The following ZWILCH variants were observed in gnomAD, a reference collection of about 807,000 sequenced individuals.
The protein encoded by ZWILCH is zwilch kinetochore protein.
ZWILCH carries 74 observed loss-of-function variants against 79.9 expected under a neutral mutation model. The observed-to-expected ratio is 0.93, with a 90% CI of 0.77 to 1.12. The LOEUF (loss-of-function observed/expected upper bound fraction) is 1.12, where lower values mean the gene tolerates loss of function less well. Among genes scored for constraint, ZWILCH ranks in the 50% most tolerant of loss-of-function variants. The probability of loss-of-function intolerance (pLI) is 0.00; values close to 1 mark genes in which losing one functional copy is unlikely to be tolerated. For synonymous variants in ZWILCH, 241 were observed against 228.2 expected, an observed-to-expected ratio of 1.06 and a Z score of -0.51; for missense variants, 694 against 687.5, an observed-to-expected ratio of 1.01 and a Z score of -0.11.
chr15:66,537,731 A>C (rs1895060791), intron 16 of ZWILCH, among the ~76,000 whole-genome samples: 1 of 151,992 alleles, frequency 6.6e-6, no homozygotes, highest in African/African-American at 2.4e-5. Flanking sequence ...AAGCATTTTA[A>C]TTTATTATCT....
chr15:66,517,428 G>GTGTGTGTGTGTGTGTA lies in ZWILCH; in HGVS notation c.321-1448_321-1447insGTGTGTGTGTGTATGT, dbSNP rs1479759555. On this transcript the variant is annotated intron_variant, in intron 4 of 18. Coordinates refer to ENST00000307897, the MANE Select transcript of ZWILCH (RefSeq NM_017975.5). ...TGTGTTTGTGTGTGCGTGTGTGTGT[G>GTGTGTGTGTGTGTGTA]TGTATATATATATATATATATATAT... is the stretch of plus-strand genomic sequence containing the variant. Among the ~76,000 whole-genome samples, 9 of 22,484 alleles carry GTGTGTGTGTGTGTGTA rather than the reference G, an allele frequency of 4.0e-4. No individual in the cohort carries two copies. The East Asian group carries it at 0.016, about 40-fold the overall frequency. 14.8% of individuals were successfully genotyped at this position (22,484 alleles called of 152,430 possible).
intron 12 of ZWILCH, 27 bp downstream of exon 12, chr15:66,529,600 A>AT (rs1894798942): frequency 1.9e-6 from 3 of 1,551,324 alleles, no homozygotes; most frequent in Non-Finnish European, 2.7e-6. Flanking sequence ...GTGTCAGATC[A>AT]TTTTCTCAGC....
chr15:66,521,349 A>G, intron 7 of ZWILCH, 144 bp downstream of exon 7: 2 of 892,628 alleles, frequency 2.2e-6, no homozygotes, highest in Non-Finnish European at 1.7e-6. Flanking sequence ...CCTTGCCACT[A>G]ACGTCTCACC....
intron 12 of ZWILCH, among the ~76,000 whole-genome samples, chr15:66,531,973 A>C (rs1284828844): frequency 6.6e-6 from 1 of 152,148 alleles, no homozygotes; most frequent in Non-Finnish European, 1.5e-5. Flanking sequence ...AGGCTAAGGC[A>C]GGAGAATTGC....
chr15:66,506,434 C>T (rs1427321289), intron 1 of ZWILCH, among the ~76,000 whole-genome samples: 4 of 152,016 alleles, frequency 2.6e-5, no homozygotes, highest in Non-Finnish European at 5.9e-5. Context: ...TTTGGGAGGC[C>T]GAGGCGGGCG....
chr15:66,548,557 G>A lies in ZWILCH; in HGVS notation c.*233G>A. 6.2e-7 allele frequency: 1 copy of A among 1,613,726 alleles called. No homozygotes were observed. Among genetic ancestry groups the A allele is most frequent in the South Asian group, 1.1e-5 (1 of 91,080 alleles). On this transcript the variant is annotated 3_prime_UTR_variant, in exon 19 of 19. Transcript: ENST00000307897. ...GATGAGGACACAGAGGGAGCAGACA[G>A]TGGGTACCACGATCTCCGTAACCAT... is the stretch of plus-strand genomic sequence containing the variant.
intron 1 of ZWILCH, 101 bp from the exon 2 acceptor site, chr15:66,508,740 C>A: frequency 6.5e-7 from 1 of 1,538,474 alleles, no homozygotes; most frequent in South Asian, 1.2e-5. Flanking sequence ...TTTGCCTTTC[C>A]TATAGGTGTC....
At chr15:66,523,181 T>C (rs117517153) in intron 7 of ZWILCH, among the ~76,000 whole-genome samples, 1 of 152,334 alleles carries the variant, frequency 6.6e-6, no homozygotes, top group East Asian at 1.9e-4. Context: ...CATTGGCATA[T>C]ACGTTTTTCT....
intron 1 of ZWILCH, 75 bp from the exon 2 acceptor site, chr15:66,508,765 TG>T (rs1893918626): frequency 4.4e-6 from 7 of 1,595,186 alleles, no homozygotes; most frequent in Non-Finnish European, 5.1e-6. Flanking sequence ...AGAGATAAAG[TG>T]ATGACTGACT....
intron 2 of ZWILCH, 60 bp downstream of exon 2, chr15:66,508,952 T>G: frequency 1.3e-6 from 2 of 1,573,226 alleles, no homozygotes; most frequent in South Asian, 1.1e-5. Flanking sequence ...TTTTTATTTT[T>G]ATTTTGAGAC....
chr15:66,506,142 C>A (rs1023178085), intron 1 of ZWILCH, among the ~76,000 whole-genome samples: 1 of 152,164 alleles, frequency 6.6e-6, no homozygotes, highest in African/African-American at 2.4e-5. Flanking sequence ...TTGAGAACCG[C>A]TGTGTAATCT....
intron 17 of ZWILCH, among the ~76,000 whole-genome samples, chr15:66,542,090 G>T (rs546721531): frequency 6.6e-6 from 1 of 152,144 alleles, no homozygotes; most frequent in Non-Finnish European, 1.5e-5. Context: ...AAAAGACTGA[G>T]AATCAGCTGT....
chr15:66,538,580 A>C (rs1895090335), intron 16 of ZWILCH, among the ~76,000 whole-genome samples: 1 of 152,014 alleles, frequency 6.6e-6, no homozygotes, highest in Non-Finnish European at 1.5e-5. Flanking sequence ...ACAGTGTTTC[A>C]CCATGTTGGC....
At chr15:66,534,708 C>T (rs879334055) in intron 14 of ZWILCH, among the ~76,000 whole-genome samples, 8 of 152,058 alleles carry the variant, frequency 5.3e-5, no homozygotes, top group Non-Finnish European at 1.2e-4. Context: ...CTGTACAGGG[C>T]ACTTACCATG....
chr15:66,520,759 T>A, intron 6 of ZWILCH, 99 bp downstream of exon 6: 1 of 799,340 alleles, frequency 1.3e-6, no homozygotes. Flanking sequence ...TGACTAGATA[T>A]TTTTCTGTAG....
intron 8 of ZWILCH, among the ~76,000 whole-genome samples, chr15:66,525,132 A>G (rs1894626780): frequency 6.6e-6 from 1 of 152,220 alleles, no homozygotes; most frequent in Non-Finnish European, 1.5e-5. Flanking sequence ...CTGTGGTCCC[A>G]TCGTTCCTTC....
At chr15:66,515,423 G>A in intron 3 of ZWILCH, 103 bp from the exon 4 acceptor site, 1 of 745,628 alleles carries the variant, frequency 1.3e-6, no homozygotes, top group Non-Finnish European at 2.2e-6. Context: ...ATAAAAATAA[G>A]TACATTATGT....
rs1894165564 is a variant in ZWILCH, at chr15:66,513,992, A to G, written c.110A>G (p.Asp37Gly). 1.2e-6 allele frequency: 2 copies of G among 1,609,398 alleles called. No homozygotes were observed. The highest frequency in any genetic ancestry group is 1.7e-6 in the Non-Finnish European group (2 of 1,178,184). The part of the protein sequence containing the change: ...IRKDPFLYEA[D>G]VQVQLISKGQ... ...GCTCGATACCTGTTTTAACAGGCTG[A>G]TGTCCAAGTGCAGTTGATCAGCAAA... The change falls in exon 3 of 19, where the codon GAT becomes GGT. Residue 37 changes from aspartate (D) to glycine (G), a missense_variant. Coordinates refer to ENST00000307897, the MANE Select transcript of ZWILCH (RefSeq NM_017975.5).
At position 66,518,989 on chromosome 15, in the gene ZWILCH, A is replaced by T. The variant is rs765860207; in HGVS notation, c.431A>T (p.Asp144Val). The change falls in exon 5 of 19, where the codon GAT (aspartate) becomes GTT (valine). Residue 144 changes from aspartate to valine, a missense_variant. By Grantham distance (152) the Asp-to-Val change is radical. Transcript: ENST00000307897. ...PPLWVRCDSS[D>V]PEGTCWLGAE... Reference sequence around the variant, plus strand: ...CTTTGGGTAAGATGTGACAGTTCAGATCCTGAAGGTACTTGTTGGCTAGGA... The same window carrying T: ...CTTTGGGTAAGATGTGACAGTTCAGTTCCTGAAGGTACTTGTTGGCTAGGA... The T allele has an allele frequency of 1.9e-6, 3 of 1,614,196 alleles. No individual in the cohort carries two copies. Among genetic ancestry groups the T allele is most frequent in the Non-Finnish European group, 1.7e-6 (2 of 1,180,026 alleles).
Sources: allele counts gnomAD v4.1 joint callset (sites outside exome capture counted in the v4.1 genomes callset), GRCh38; gene constraint gnomAD v4.1.1; transcripts MANE v1.5; gene names NCBI Gene and HGNC (gene_info 2026-07-23, HGNC 2026-07-21).